RABGAP1L: variants seen among roughly 807,000 people sequenced by gnomAD.
RABGAP1L encodes the protein rab GTPase-activating protein 1-like.
A neutral mutation model predicts 137.7 loss-of-function variants in RABGAP1L; 63 were observed. That is an observed-to-expected ratio of 0.46 (90% CI 0.37 to 0.56). The LOEUF is 0.56. Ranked by LOEUF, RABGAP1L falls within the 20% of genes least tolerant of loss-of-function variation. The pLI, the probability that RABGAP1L is intolerant of heterozygous loss-of-function variation, is 0.00. For missense variants in RABGAP1L, 1,095 were observed against 1,244.0 expected, an observed-to-expected ratio of 0.88 and a Z score of 1.80; for synonymous variants, 431 against 433.7, an observed-to-expected ratio of 0.99 and a Z score of 0.08.
At chr1:174,673,989 CTT>C in intron 14 of RABGAP1L, among the ~76,000 whole-genome samples, 1 of 151,626 alleles carries the variant, frequency 6.6e-6, no homozygotes, top group Non-Finnish European at 1.5e-5. Flanking sequence ...CAAAGGATGA[CTT>C]TTACTGCATA....
At chr1:174,410,969 T>G (rs1339457401) in intron 13 of RABGAP1L, among the ~76,000 whole-genome samples, 1 of 152,204 alleles carries the variant, frequency 6.6e-6, no homozygotes, top group Non-Finnish European at 1.5e-5. Context: ...CTTGGTTAGA[T>G]GTATTCCTAG....
chr1:174,797,932 G>C (rs1001247361), intron 18 of RABGAP1L, among the ~76,000 whole-genome samples: 1 of 151,788 alleles, frequency 6.6e-6, no homozygotes, highest in Non-Finnish European at 1.5e-5. Context: ...TCTTTACTTT[G>C]CATAGTTTTT....
At chr1:174,617,490 A>C (rs568905533) in intron 13 of RABGAP1L, among the ~76,000 whole-genome samples, 1 of 152,360 alleles carries the variant, frequency 6.6e-6, no homozygotes, top group South Asian at 2.1e-4. Flanking sequence ...ATAGTCTCTC[A>C]GGAACAAATC....
chr1:174,545,332 C>CT (rs1332679317), intron 13 of RABGAP1L: 1 of 416 alleles, frequency 2.4e-3, no homozygotes, highest in Non-Finnish European at 3.4e-3. Flanking sequence ...GCCTTGCTGA[C>CT]ACTTGCGGCT....
intron 19 of RABGAP1L, among the ~76,000 whole-genome samples, chr1:174,854,554 T>C (rs772652197): frequency 2.0e-5 from 3 of 152,010 alleles, no homozygotes; most frequent in Non-Finnish European, 4.4e-5. Context: ...ATTATTATTC[T>C]AAGTATTTTC....
chr1:174,645,982 G>C (rs1342705124), intron 14 of RABGAP1L, among the ~76,000 whole-genome samples: 1 of 152,044 alleles, frequency 6.6e-6, no homozygotes, highest in Non-Finnish European at 1.5e-5. Flanking sequence ...TTTTTCATAT[G>C]TTTGTTGGCC....
chr1:174,909,496 G>A (rs1375324317), intron 19 of RABGAP1L, among the ~76,000 whole-genome samples: 2 of 152,024 alleles, frequency 1.3e-5, no homozygotes, highest in Non-Finnish European at 2.9e-5. Flanking sequence ...CAAAATGCTA[G>A]GATTATAGGC....
At chr1:174,299,044 C>G (rs1018396995) in intron 10 of RABGAP1L, among the ~76,000 whole-genome samples, 1 of 152,186 alleles carries the variant, frequency 6.6e-6, no homozygotes, top group Admixed American at 6.5e-5. Flanking sequence ...CTGTCTAGTC[C>G]TCATGTTAAA....
rs955686516 is a variant in RABGAP1L at position 174,364,455 on chromosome 1, C to T, written c.1466-6524C>T. Among the ~76,000 whole-genome samples, 11 of 150,670 alleles carry T rather than the reference C, an allele frequency of 7.3e-5. No homozygotes were observed. The East Asian group carries it at 7.8e-4, about 11-fold the overall frequency. ...ATTTTTAGTAGAGACGGGGTTTCAC[C>T]GTTTTAGCCGGGATGGTCTCGATCT... On this transcript the variant is annotated intron_variant, in intron 11 of 25. Transcript: ENST00000681986.
intron 19 of RABGAP1L, among the ~76,000 whole-genome samples, chr1:174,913,145 T>G (rs1165374276): frequency 6.6e-6 from 1 of 152,072 alleles, no homozygotes; most frequent in Non-Finnish European, 1.5e-5. Context: ...CTGGCTAATT[T>G]TTGTATTTTT....
intron 13 of RABGAP1L, among the ~76,000 whole-genome samples, chr1:174,608,632 A>C (rs1670960702): frequency 6.6e-6 from 1 of 152,188 alleles, no homozygotes; most frequent in Non-Finnish European, 1.5e-5. Context: ...CTTAAAGAAA[A>C]GCACAACTTT....
At chr1:174,833,466 A>ATATATATATATATATATATATATATACAT in intron 19 of RABGAP1L, among the ~76,000 whole-genome samples, 1 of 61,166 alleles carries the variant, frequency 1.6e-5, no homozygotes, top group East Asian at 3.9e-4. Context: ...ATATATATAT[A>ATATATATATATATATATATATATATACAT]TAGTAGAGAC....
Position 174,990,236 on chromosome 1 carries a change from T to C in RABGAP1L, c.*235T>C. ...TGGAAGGCCATGTTCAGATCCATCA[T>C]AGTATTACACATTATTTTGTTTGCC... On this transcript the variant is annotated 3_prime_UTR_variant, in exon 26 of 26. Transcript: ENST00000681986. 1 of 419,784 alleles carries C rather than the reference T, an allele frequency of 2.4e-6. No individual in the cohort carries two copies. The highest frequency in any genetic ancestry group is 3.7e-5 in the East Asian group (1 of 26,672). The allele number at this position is 419,784 out of a possible 1,614,324, so 26.0% of individuals were successfully genotyped here. A position where few individuals can be genotyped will look rare whatever the true frequency, so the allele number is the denominator to read the frequency against.
At chr1:174,867,079 C>A (rs914545612) in intron 19 of RABGAP1L, among the ~76,000 whole-genome samples, 1 of 151,618 alleles carries the variant, frequency 6.6e-6, no homozygotes, top group Non-Finnish European at 1.5e-5. Flanking sequence ...CAGAGAGAAA[C>A]CCTGTCTCAA....
intron 13 of RABGAP1L, among the ~76,000 whole-genome samples, chr1:174,627,424 GAATT>G (rs1673007913): frequency 6.6e-6 from 1 of 152,150 alleles, no homozygotes; most frequent in Non-Finnish European, 1.5e-5. Context: ...CTTTGAAAAA[GAATT>G]AAGAGAATTG....
chr1:174,915,560 G>A (rs762616820), intron 19 of RABGAP1L, among the ~76,000 whole-genome samples: 1 of 152,086 alleles, frequency 6.6e-6, no homozygotes, highest in African/African-American at 2.4e-5. Context: ...AGGTTCAAGC[G>A]ATTCTCCTGC....
intron 13 of RABGAP1L, among the ~76,000 whole-genome samples, chr1:174,587,211 G>A (rs1012755570): frequency 1.4e-5 from 2 of 145,728 alleles, no homozygotes; most frequent in African/African-American, 2.6e-5. Context: ...ATAAACATAT[G>A]TGTGCATGTG....
chr1:174,759,337 G>A (rs1483624531), intron 18 of RABGAP1L, among the ~76,000 whole-genome samples: 3 of 148,532 alleles, frequency 2.0e-5, no homozygotes, highest in Non-Finnish European at 4.5e-5. Context: ...GCTCATGCCT[G>A]TAATCCCAGC....
chr1:174,434,460 A>G (rs1295709622), intron 13 of RABGAP1L, among the ~76,000 whole-genome samples: 3 of 152,126 alleles, frequency 2.0e-5, no homozygotes, highest in Non-Finnish European at 4.4e-5. Context: ...TCTTTTGTGG[A>G]CAATATGTTT....
Sources: gnomAD v4.1 joint callset for allele counts (sites outside exome capture counted in the v4.1 genomes callset) on GRCh38, gnomAD v4.1.1 for gene constraint, MANE v1.5 for transcripts, NCBI Gene and HGNC (gene_info 2026-07-23, HGNC 2026-07-21) for gene names.